The following MYO9A variants were observed in gnomAD, a reference collection of about 807,000 sequenced individuals.
The protein encoded by MYO9A is unconventional myosin-IXa.
A neutral mutation model predicts 293.3 loss-of-function variants in MYO9A; 103 were observed. The ratio of observed to expected loss-of-function variants is 0.35; its 90% CI spans 0.30 to 0.41. The LOEUF is 0.41. Ranked by LOEUF, MYO9A falls within the 10% of genes least tolerant of loss-of-function variation. MYO9A has a pLI of 1.00. For synonymous variants in MYO9A, 1,001 were observed against 1,035.7 expected (o/e 0.97, Z 0.64); for missense variants, 2,685 against 3,033.0 (o/e 0.89, Z 2.69).
chr15:72,110,445 A>G (rs796793406), intron 1 of MYO9A, among the ~76,000 whole-genome samples: 32 of 149,798 alleles, frequency 2.1e-4, no homozygotes, highest in African/African-American at 8.0e-4. Flanking sequence ...CAAAAAAAAA[A>G]AAAAAAAAAA....
chr15:72,072,072 CAA>C (rs34367978), intron 1 of MYO9A, among the ~76,000 whole-genome samples: 13 of 66,944 alleles, frequency 1.9e-4, no homozygotes, highest in Admixed American at 3.2e-4. Flanking sequence ...GAGCCCATGT[CAA>C]AAAAAAAAAA....
chr15:72,106,680 A>G (rs2080581058), intron 1 of MYO9A, among the ~76,000 whole-genome samples: 1 of 152,062 alleles, frequency 6.6e-6, no homozygotes, highest in Admixed American at 6.6e-5. Flanking sequence ...AGGTCACTGC[A>G]GCCTCAACCT....
chr15:71,873,675 CT>C (rs1211143917), intron 32 of MYO9A, among the ~76,000 whole-genome samples: 2 of 152,148 alleles, frequency 1.3e-5, no homozygotes, highest in Non-Finnish European at 2.9e-5. Context: ...TTTAATTTGA[CT>C]GCTAATAAAC....
intron 1 of MYO9A, among the ~76,000 whole-genome samples, chr15:72,057,034 G>T (rs2078740770): frequency 6.6e-6 from 1 of 152,158 alleles, no homozygotes; most frequent in Non-Finnish European, 1.5e-5. Context: ...TTGAACCTGG[G>T]AGGCGGAGGT....
chr15:71,867,798 TCA>T (rs57300333), intron 32 of MYO9A, among the ~76,000 whole-genome samples: 14,641 of 127,208 alleles, frequency 0.12, 979 homozygotes, highest in East Asian at 0.25. Flanking sequence ...TGGGAATCCA[TCA>T]CACACACACA....
intron 4 of MYO9A, among the ~76,000 whole-genome samples, chr15:72,026,480 T>C (rs2077678216): frequency 6.6e-6 from 1 of 151,312 alleles, no homozygotes; most frequent in Non-Finnish European, 1.5e-5. Flanking sequence ...GCTTTATACC[T>C]GTAAACCCAT....
rs948128004 is a variant in MYO9A, at chr15:72,007,678, G to GA, written c.1380+147dup. 1.8e-5 allele frequency: 13 copies of GA among 739,492 alleles called. No individual in the cohort carries two copies. In the African/African-American group the frequency reaches 2.2e-4, roughly 12 times the overall value. The allele number at this position is 739,492 out of a possible 1,614,324, so 45.8% of individuals were successfully genotyped here. A position where few individuals can be genotyped will look rare whatever the true frequency, so the allele number is the denominator to read the frequency against. ...CTGAGGCAGGTATCAGGAAAAATTA[G>GA]ATCTTTTGGAAATGCTATTTAAAAA... is the stretch of plus-strand genomic sequence containing the variant. On this transcript the variant is annotated intron_variant, in intron 8 of 41. Transcript: ENST00000356056.
At chr15:71,842,645 G>A (rs1279653412) in intron 39 of MYO9A, among the ~76,000 whole-genome samples, 1 of 151,932 alleles carries the variant, frequency 6.6e-6, no homozygotes. Flanking sequence ...AGATTATGAG[G>A]TCAGGAGATC....
intron 26 of MYO9A, chr15:71,889,322 C>A (rs1489027188): frequency 6.6e-6 from 1 of 152,096 alleles, no homozygotes; most frequent in Admixed American, 6.6e-5. Flanking sequence ...AGTGTCTATG[C>A]CCAAGAGCCA....
chr15:72,076,943 T>C (rs2079371876), intron 1 of MYO9A, among the ~76,000 whole-genome samples: 1 of 152,074 alleles, frequency 6.6e-6, no homozygotes, highest in Admixed American at 6.5e-5. Flanking sequence ...TCACCTGATC[T>C]TTGACAATGA....
At chr15:71,885,999 T>A (rs2057006777) in intron 27 of MYO9A, among the ~76,000 whole-genome samples, 1 of 152,084 alleles carries the variant, frequency 6.6e-6, no homozygotes. Flanking sequence ...CACCATTTGG[T>A]TTCATGAATA....
At chr15:71,949,785 G>A (rs997673879) in intron 15 of MYO9A, among the ~76,000 whole-genome samples, 2 of 151,698 alleles carry the variant, frequency 1.3e-5, no homozygotes, top group Non-Finnish European at 2.9e-5. Context: ...TCAGTCCCAG[G>A]ATTTTCCTCC....
At chr15:72,030,550 TTG>T (rs1305109726) in intron 3 of MYO9A, among the ~76,000 whole-genome samples, 1 of 152,110 alleles carries the variant, frequency 6.6e-6, no homozygotes, top group Non-Finnish European at 1.5e-5. Context: ...TCCTTGAACT[TTG>T]TTTTTTTGGA....
Position 72,078,661 on chromosome 15 carries a change from AT to A in MYO9A, c.-71-32028del, listed in dbSNP as rs1375888214. Among the ~76,000 whole-genome samples, 4 of 152,242 alleles carry A rather than the reference AT, an allele frequency of 2.6e-5. No individual in the cohort carries two copies. In the East Asian group the frequency reaches 5.8e-4, roughly 22 times the overall value. On this transcript the variant is annotated intron_variant, in intron 1 of 41. Coordinates refer to ENST00000356056, the MANE Select transcript of MYO9A (RefSeq NM_006901.4). ...AGAAACTGTTGCTAAAAATAAAAAA[AT>A]AACTTTAAAAACCTGCACATGGATG...
At chr15:72,067,269 T>A (rs1323357007) in intron 1 of MYO9A, among the ~76,000 whole-genome samples, 1 of 151,558 alleles carries the variant, frequency 6.6e-6, no homozygotes, top group African/African-American at 2.4e-5. Flanking sequence ...AATATTAGCA[T>A]CTGGTTTAAA....
chr15:71,983,470 C>CTTTTTTTTTTTTTTTTTTTTTT (rs1170508506), intron 11 of MYO9A, among the ~76,000 whole-genome samples: 7 of 72,904 alleles, frequency 9.6e-5, no homozygotes, highest in Non-Finnish European at 1.2e-4. Flanking sequence ...TTTTTTATTT[C>CTTTTTTTTTTTTTTTTTTTTTT]TTTTTTTTTT....
intron 28 of MYO9A, among the ~76,000 whole-genome samples, chr15:71,880,923 C>T (rs1319630200): frequency 6.6e-6 from 1 of 152,092 alleles, no homozygotes; most frequent in Non-Finnish European, 1.5e-5. Flanking sequence ...ATATTAAATG[C>T]TTACTGTTAA....
chr15:71,854,474 T>G lies in MYO9A; in HGVS notation c.6249A>C (p.Ile2083=), dbSNP rs921251928. ...ACAGTCCATGCATTTCAATGTAGTTTATGAGCTTTTCCACTACTAAAGGAA... is the reference window on the plus strand; with the variant it reads ...ACAGTCCATGCATTTCAATGTAGTTGATGAGCTTTTCCACTACTAAAGGAA... ...RTVPLVVEKL[I]NYIEMHGLYT... is the part of the protein sequence containing the mutation. Residue 2083 remains isoleucine, a synonymous_variant, in exon 35 of 42, where the codon ATA becomes ATC. Transcript: ENST00000356056. 2 of 1,613,842 alleles carry G rather than the reference T, an allele frequency of 1.2e-6. No homozygotes were observed. The highest frequency in any genetic ancestry group is 1.7e-6 in the Non-Finnish European group (2 of 1,179,826).
chr15:71,834,846 A>G (rs192969376), intron 39 of MYO9A, among the ~76,000 whole-genome samples: 1 of 152,170 alleles, frequency 6.6e-6, no homozygotes. Context: ...AATCCTAAAC[A>G]ATATCCTAAC....
Sources: gnomAD v4.1 joint callset for allele counts (sites outside exome capture counted in the v4.1 genomes callset) on GRCh38, gnomAD v4.1.1 for gene constraint, MANE v1.5 for transcripts, NCBI Gene and HGNC (gene_info 2026-07-23, HGNC 2026-07-21) for gene names.